MYO5B: variants seen among roughly 807,000 people sequenced by gnomAD.
The protein encoded by MYO5B is myosin VB.
In MYO5B, 143 loss-of-function variants were observed where a neutral mutation model predicts 229.3. The ratio of observed to expected loss-of-function variants is 0.62; its 90% CI spans 0.54 to 0.72. MYO5B has a LOEUF of 0.72. Ranked by LOEUF, MYO5B falls within the 30% of genes least tolerant of loss-of-function variation. MYO5B has a pLI of 0.00. For synonymous variants in MYO5B, 918 were observed against 885.2 expected, an observed-to-expected ratio of 1.04 and a Z score of -0.66; for missense variants, 2,321 against 2,331.0, an observed-to-expected ratio of 1.00 and a Z score of 0.09.
chr18:50,186,361 C>A (rs1268089415), intron 1 of MYO5B, among the ~76,000 whole-genome samples: 1 of 152,184 alleles, frequency 6.6e-6, no homozygotes, highest in Non-Finnish European at 1.5e-5. Context: ...CATTTGTATT[C>A]ACAGAGGGAA....
Position 49,938,184 on chromosome 18 carries a change from CCT to C in MYO5B, c.1753-789_1753-788del, listed in dbSNP as rs1434303212. 3.9e-5 allele frequency among the ~76,000 whole-genome samples: 6 copies of C among 152,218 alleles called. No homozygotes were observed. The South Asian group carries it at 6.2e-4, about 16-fold the overall frequency. On this transcript the variant is annotated intron_variant, in intron 14 of 39. Coordinates refer to ENST00000285039, the MANE Select transcript of MYO5B (RefSeq NM_001080467.3). The stretch of plus-strand genomic sequence containing the variant: ...TATTGCATCTTGTCAAGTTAACTTC[CCT>C]GATACCTGTTTTCTCATCAGAATAG...
chr18:49,897,441 T>A (rs898773731), intron 21 of MYO5B, among the ~76,000 whole-genome samples: 5 of 152,130 alleles, frequency 3.3e-5, no homozygotes, highest in African/African-American at 4.8e-5. Flanking sequence ...TAAAAAAAAA[T>A]TTTTAAACTT....
chr18:49,962,784 C>A (rs2025575105), intron 11 of MYO5B, among the ~76,000 whole-genome samples, 165 bp downstream of exon 11: 1 of 152,104 alleles, frequency 6.6e-6, no homozygotes, highest in Non-Finnish European at 1.5e-5. Flanking sequence ...CCCTCCTGAG[C>A]AGTGGAGAGC....
intron 4 of MYO5B, among the ~76,000 whole-genome samples, chr18:50,011,803 A>T: frequency 6.6e-6 from 1 of 151,866 alleles, no homozygotes; most frequent in East Asian, 1.9e-4. Flanking sequence ...CTGGAAACAT[A>T]TTTCCAAAAC....
At chr18:50,151,606 A>G (rs2032599179) in intron 1 of MYO5B, among the ~76,000 whole-genome samples, 3 of 152,164 alleles carry the variant, frequency 2.0e-5, no homozygotes, top group Admixed American at 2.0e-4. Flanking sequence ...ACTACAACAC[A>G]TTGTTATGTG....
chr18:50,131,072 T>G (rs1568118731), intron 1 of MYO5B, among the ~76,000 whole-genome samples: 1 of 152,238 alleles, frequency 6.6e-6, no homozygotes, highest in Non-Finnish European at 1.5e-5. Flanking sequence ...AATCAAGTTC[T>G]GCTTAGGTCA....
intron 19 of MYO5B, among the ~76,000 whole-genome samples, chr18:49,905,847 C>T (rs1031755129): frequency 6.6e-6 from 1 of 152,134 alleles, no homozygotes; most frequent in East Asian, 1.9e-4. Flanking sequence ...GCAGTAGTTT[C>T]TTCTGCTCGG....
chr18:49,963,647 C>T (rs56963981), intron 10 of MYO5B, among the ~76,000 whole-genome samples: 53 of 152,046 alleles, frequency 3.5e-4, no homozygotes, highest in Middle Eastern at 6.8e-3. Flanking sequence ...AAGCTGGTCT[C>T]GAACTCCTGG....
At chr18:50,086,973 G>A (rs1599010534) in intron 1 of MYO5B, among the ~76,000 whole-genome samples, 1 of 152,156 alleles carries the variant, frequency 6.6e-6, no homozygotes, top group Non-Finnish European at 1.5e-5. Context: ...GACTGACTGG[G>A]AATAGTAAAC....
intron 5 of MYO5B, among the ~76,000 whole-genome samples, chr18:49,997,771 C>G (rs972546738): frequency 6.6e-6 from 1 of 152,124 alleles, no homozygotes; most frequent in African/African-American, 2.4e-5. Context: ...TTAGCATAGA[C>G]CACTGGGATT....
chr18:49,880,241 T>G, intron 23 of MYO5B, 130 bp downstream of exon 23: 1 of 840,216 alleles, frequency 1.2e-6, no homozygotes, highest in Non-Finnish European at 2.1e-6. Context: ...ATTCTTCATC[T>G]TCTTCTATTA....
At position 50,014,915 on chromosome 18, in the gene MYO5B, T is replaced by A. The variant is rs187555524; in HGVS notation, c.456-13504A>T. Among the ~76,000 whole-genome samples, 69 of 152,314 alleles carry A rather than the reference T, an allele frequency of 4.5e-4. 1 individual carries two copies. Among genetic ancestry groups the A allele is most frequent in the South Asian group, 1.0e-3 (5 of 4,824 alleles). On this transcript the variant is annotated intron_variant, in intron 4 of 39. Coordinates refer to ENST00000285039, the MANE Select transcript of MYO5B (RefSeq NM_001080467.3). ...TGATGCTCAAGTAAGGGACCATGCCTAGCACGTCTAAGACAAAGAGAAGCA... is the reference window on the plus strand; with the variant it reads ...TGATGCTCAAGTAAGGGACCATGCCAAGCACGTCTAAGACAAAGAGAAGCA...
intron 5 of MYO5B, among the ~76,000 whole-genome samples, chr18:49,993,760 A>G (rs959730325): frequency 6.6e-6 from 1 of 151,980 alleles, no homozygotes; most frequent in African/African-American, 2.4e-5. Context: ...CCCTGGTCCC[A>G]CTCCCATCTT....
chr18:49,904,715 T>A lies in MYO5B; in HGVS notation c.2528A>T (p.Gln843Leu). The A allele has an allele frequency of 6.2e-7, 1 of 1,614,088 alleles. No individual in the cohort carries two copies. Among genetic ancestry groups the A allele is most frequent in the Non-Finnish European group, 8.5e-7 (1 of 1,180,034 alleles). Residue 843 changes from glutamine to leucine, a missense_variant, in exon 20 of 40, where the codon CAG (glutamine) becomes CTG (leucine). By Grantham distance (113) the Gln-to-Leu change is moderately radical. Transcript: ENST00000285039. ...QRVRRAAVVIQAFTRAMFVRR... is the reference protein window; with the variant it reads ...QRVRRAAVVILAFTRAMFVRR... ...CACAAACATGGCCCGGGTGAAGGCC[T>A]GGATAACAACGGCAGCTCTGCGGAC...
At chr18:49,849,404 A>G (rs2024171113) in intron 32 of MYO5B, among the ~76,000 whole-genome samples, 163 bp downstream of exon 32, 1 of 152,128 alleles carries the variant, frequency 6.6e-6, no homozygotes, top group South Asian at 2.1e-4. Flanking sequence ...CAGATGGGTA[A>G]GCTCATGGGA....
intron 29 of MYO5B, among the ~76,000 whole-genome samples, chr18:49,858,825 T>C (rs1031360681): frequency 1.3e-5 from 2 of 152,094 alleles, no homozygotes; most frequent in Non-Finnish European, 2.9e-5. Context: ...GTCAACCAAC[T>C]TGCTTCAGCC....
intron 22 of MYO5B, among the ~76,000 whole-genome samples, chr18:49,891,758 ATCTC>A (rs2024717447): frequency 6.6e-6 from 1 of 152,184 alleles, no homozygotes; most frequent in South Asian, 2.1e-4. Context: ...CCCAAGCCAG[ATCTC>A]TCTACCTCTA....
At chr18:50,138,359 C>T (rs527740430) in intron 1 of MYO5B, among the ~76,000 whole-genome samples, 111 of 152,220 alleles carry the variant, frequency 7.3e-4, no homozygotes, top group African/African-American at 2.4e-3. Flanking sequence ...ACACAGGAAA[C>T]GAATTATTTT....
intron 10 of MYO5B, among the ~76,000 whole-genome samples, 166 bp downstream of exon 10, chr18:49,974,184 G>T (rs1400397630): frequency 6.6e-6 from 1 of 152,170 alleles, no homozygotes; most frequent in Non-Finnish European, 1.5e-5. Context: ...CCTGGCCTCA[G>T]GCCCCATCAT....
Sources: allele counts gnomAD v4.1 joint callset (sites outside exome capture counted in the v4.1 genomes callset), GRCh38; gene constraint gnomAD v4.1.1; transcripts MANE v1.5; gene names NCBI Gene and HGNC (gene_info 2026-07-23, HGNC 2026-07-21).